GRM1: variants seen among roughly 807,000 people sequenced by gnomAD.
GRM1 encodes metabotropic glutamate receptor 1.
In GRM1, 33 loss-of-function variants were observed where a neutral mutation model predicts 90.9. The ratio of observed to expected loss-of-function variants is 0.36; its 90% confidence interval spans 0.28 to 0.49. The LOEUF is 0.49. Ranked by LOEUF, GRM1 falls within the 20% of genes least tolerant of loss-of-function variation. GRM1 has a pLI of 0.99. For synonymous variants in GRM1, 700 were observed against 613.2 expected, an observed-to-expected ratio of 1.14 and a Z score of -2.09; for missense variants, 1,190 against 1,534.3, an observed-to-expected ratio of 0.78 and a Z score of 3.75.
At chr6:146,223,425 G>T (rs959348710) in intron 2 of GRM1, among the ~76,000 whole-genome samples, 1 of 151,966 alleles carries the variant, frequency 6.6e-6, no homozygotes, top group Admixed American at 6.6e-5. Flanking sequence ...TTAGATTGAG[G>T]TAGGGTAGAC....
intron 2 of GRM1, among the ~76,000 whole-genome samples, chr6:146,267,696 GGC>G (rs1562568759): frequency 1.4e-4 from 16 of 111,910 alleles, no homozygotes; most frequent in African/African-American, 1.0e-3. Context: ...GGCTCGGCTC[GGC>G]TCGGCTCGTC....
chr6:146,085,980 CTA>C (rs1420675681), intron 1 of GRM1, among the ~76,000 whole-genome samples: 8 of 152,058 alleles, frequency 5.3e-5, no homozygotes, highest in Non-Finnish European at 1.0e-4. Flanking sequence ...CTGGCATACT[CTA>C]TGTGACGGGG....
chr6:146,134,425 A>C (rs924181177), intron 1 of GRM1, among the ~76,000 whole-genome samples: 5 of 152,212 alleles, frequency 3.3e-5, no homozygotes, highest in African/African-American at 1.2e-4. Context: ...TAGTAAAGAC[A>C]TACACAAGAC....
intron 2 of GRM1, among the ~76,000 whole-genome samples, chr6:146,222,920 C>T (rs909409568): frequency 6.6e-6 from 1 of 151,646 alleles, no homozygotes; most frequent in Non-Finnish European, 1.5e-5. Context: ...GTGTTGAAGG[C>T]AGGTAAGAGA....
intron 2 of GRM1, among the ~76,000 whole-genome samples, chr6:146,292,167 C>T (rs865939105): frequency 6.6e-6 from 1 of 151,838 alleles, no homozygotes; most frequent in Non-Finnish European, 1.5e-5. Flanking sequence ...TAACAATGAC[C>T]TAAATATAAG....
At chr6:146,364,424 T>C (rs73579029) in intron 5 of GRM1, among the ~76,000 whole-genome samples, 7,431 of 152,250 alleles carry the variant, frequency 0.049, 234 homozygotes, top group African/African-American at 0.087. Flanking sequence ...TACTACCTGA[T>C]TGGCACTGGC....
At chr6:146,055,918 A>C (rs1775466119) in intron 1 of GRM1, among the ~76,000 whole-genome samples, 1 of 152,158 alleles carries the variant, frequency 6.6e-6, no homozygotes, top group African/African-American at 2.4e-5. Flanking sequence ...AAAACAATTG[A>C]ATTTACTCAA....
intron 3 of GRM1, among the ~76,000 whole-genome samples, chr6:146,323,186 A>G (rs1784266131): frequency 6.6e-6 from 1 of 151,860 alleles, no homozygotes; most frequent in African/African-American, 2.4e-5. Flanking sequence ...CAGTGGTTGA[A>G]CTAGTTTACA....
chr6:146,330,633 A>G (rs540342975), intron 3 of GRM1, among the ~76,000 whole-genome samples: 39 of 152,310 alleles, frequency 2.6e-4, no homozygotes, highest in African/African-American at 9.1e-4. Flanking sequence ...AGTCTAAAAA[A>G]TACATCATCA....
intron 2 of GRM1, among the ~76,000 whole-genome samples, chr6:146,238,752 A>G (rs989397209): frequency 2.6e-5 from 4 of 152,028 alleles, no homozygotes; most frequent in Admixed American, 6.6e-5. Flanking sequence ...TGTTTCTTTA[A>G]GTTGAAGTGA....
chr6:146,292,859 A>T (rs2114890253), intron 2 of GRM1, among the ~76,000 whole-genome samples: 1 of 152,146 alleles, frequency 6.6e-6, no homozygotes, highest in Admixed American at 6.5e-5. Flanking sequence ...AAAGATGGAA[A>T]CAACCCAAAA....
chr6:146,435,037 G>A lies in GRM1; in HGVS notation c.*241G>A, dbSNP rs1778554299. ...TTGAATTACTCGAAGCCTTCTCTGG[G>A]AAGAAAGGGAATTCTGACAAAGCAC... On this transcript the variant is annotated 3_prime_UTR_variant, in exon 8 of 8. Transcript: ENST00000282753. 3 of 597,660 alleles carry A rather than the reference G, an allele frequency of 5.0e-6. No homozygotes were observed. In the South Asian group the frequency reaches 5.9e-5, roughly 12 times the overall value. 37.0% of individuals were successfully genotyped at this position (597,660 alleles called of 1,614,324 possible).
chr6:146,093,507 T>G (rs1776776891), intron 1 of GRM1, among the ~76,000 whole-genome samples: 1 of 152,122 alleles, frequency 6.6e-6, no homozygotes, highest in Non-Finnish European at 1.5e-5. Flanking sequence ...TATTCTGGAT[T>G]CCTCCTCTCT....
intron 2 of GRM1, among the ~76,000 whole-genome samples, chr6:146,291,630 A>C (rs371833358): frequency 6.6e-6 from 1 of 152,116 alleles, no homozygotes; most frequent in African/African-American, 2.4e-5. Flanking sequence ...AGATTGCTAA[A>C]AAAATTAAAT....
chr6:146,161,800 TGAAA>T (rs1211809984), intron 2 of GRM1, among the ~76,000 whole-genome samples: 1 of 152,210 alleles, frequency 6.6e-6, no homozygotes, highest in Non-Finnish European at 1.5e-5. Context: ...AGAATTTTAA[TGAAA>T]GCAGCCTTTA....
At chr6:146,216,619 T>C (rs950629219) in intron 2 of GRM1, among the ~76,000 whole-genome samples, 1 of 152,230 alleles carries the variant, frequency 6.6e-6, no homozygotes, top group African/African-American at 2.4e-5. Flanking sequence ...TTTAACAGTG[T>C]AACAGAAACT....
chr6:146,324,442 A>G (rs1025922757), intron 3 of GRM1, among the ~76,000 whole-genome samples: 5 of 152,030 alleles, frequency 3.3e-5, no homozygotes, highest in Non-Finnish European at 5.9e-5. Flanking sequence ...CTGGGGAAAA[A>G]AAATAAAAAA....
At chr6:146,066,963 A>T (rs753689899) in intron 1 of GRM1, among the ~76,000 whole-genome samples, 2 of 152,172 alleles carry the variant, frequency 1.3e-5, no homozygotes, top group Non-Finnish European at 2.9e-5. Context: ...TCAGTTCTTA[A>T]CTTTTCTAAG....
At chr6:146,298,943 A>G (rs1783278515) in intron 2 of GRM1, among the ~76,000 whole-genome samples, 1 of 152,202 alleles carries the variant, frequency 6.6e-6, no homozygotes, top group Admixed American at 6.5e-5. Flanking sequence ...GTCTACTCAA[A>G]TATCCTTTCT....
Sources: allele counts gnomAD v4.1 joint callset (sites outside exome capture counted in the v4.1 genomes callset), GRCh38; gene constraint gnomAD v4.1.1; transcripts MANE v1.5; gene names NCBI Gene and HGNC (gene_info 2026-07-23, HGNC 2026-07-21).